ROBO2: variants seen among roughly 807,000 people sequenced by gnomAD.
ROBO2 encodes roundabout homolog 2.
In ROBO2, 53 loss-of-function variants were observed where a neutral mutation model predicts 160.8. The ratio of observed to expected loss-of-function variants is 0.33; its 90% CI spans 0.26 to 0.41. ROBO2 has a LOEUF of 0.41. Among genes scored for constraint, ROBO2 ranks in the 10% least tolerant of loss-of-function variants. ROBO2 has a pLI of 1.00. For missense variants in ROBO2, 1,577 were observed against 1,722.4 expected (o/e 0.92, Z 1.49); for synonymous variants, 664 against 611.7 (o/e 1.09, Z -1.26).
At chr3:76,378,405 A>G (rs1452737923) in intron 2 of ROBO2, among the ~76,000 whole-genome samples, 1 of 152,222 alleles carries the variant, frequency 6.6e-6, no homozygotes, top group African/African-American at 2.4e-5. Flanking sequence ...CACAAAATGT[A>G]TAGTGTCACC....
At chr3:77,258,537 C>T (rs190619397) in intron 2 of ROBO2, among the ~76,000 whole-genome samples, 4 of 151,296 alleles carry the variant, frequency 2.6e-5, no homozygotes, top group East Asian at 2.0e-4. Context: ...GAACAAGAAT[C>T]GTTTGAACCC....
chr3:76,801,169 T>C (rs1054226184), intron 2 of ROBO2, among the ~76,000 whole-genome samples: 10 of 152,328 alleles, frequency 6.6e-5, no homozygotes, highest in African/African-American at 1.9e-4. Context: ...AAACTTTGCA[T>C]GTTCTCACTT....
chr3:76,502,356 G>A (rs965537659), intron 2 of ROBO2, among the ~76,000 whole-genome samples: 4 of 152,126 alleles, frequency 2.6e-5, no homozygotes, highest in African/African-American at 9.7e-5. Flanking sequence ...ACAAATTTGT[G>A]GCAATATGTG....
At chr3:76,455,003 GA>G in intron 2 of ROBO2, among the ~76,000 whole-genome samples, 1 of 151,986 alleles carries the variant, frequency 6.6e-6, no homozygotes, top group East Asian at 1.9e-4. Flanking sequence ...GTATAAAAAG[GA>G]AAAAAATTGT....
chr3:76,931,767 TG>T (rs2077360244), intron 2 of ROBO2, among the ~76,000 whole-genome samples: 2 of 152,258 alleles, frequency 1.3e-5, no homozygotes, highest in East Asian at 3.9e-4. Flanking sequence ...CTGCAGCCTT[TG>T]CTTCCCGGAT....
chr3:76,524,288 G>C (rs986773521), intron 2 of ROBO2, among the ~76,000 whole-genome samples: 1 of 151,912 alleles, frequency 6.6e-6, no homozygotes, highest in Non-Finnish European at 1.5e-5. Context: ...AAAGAGTAGT[G>C]ATATGATTAT....
intron 2 of ROBO2, among the ~76,000 whole-genome samples, chr3:76,560,010 C>A (rs2084060463): frequency 6.6e-6 from 1 of 152,062 alleles, no homozygotes; most frequent in African/African-American, 2.4e-5. Context: ...CAATGCAGTC[C>A]ATAGTTTTGA....
intron 2 of ROBO2, among the ~76,000 whole-genome samples, chr3:77,282,340 GTA>G (rs1276985078): frequency 6.6e-5 from 10 of 151,996 alleles, no homozygotes; most frequent in African/African-American, 2.4e-4. Context: ...TTATAAGGAT[GTA>G]TAGACTGTAA....
intron 2 of ROBO2, among the ~76,000 whole-genome samples, chr3:76,204,372 C>A (rs1177069011): frequency 6.6e-6 from 1 of 152,056 alleles, no homozygotes. Flanking sequence ...GTGATGTGTA[C>A]CTTTCTGTCA....
intron 4 of ROBO2, among the ~76,000 whole-genome samples, chr3:77,485,128 T>G (rs1242257494): frequency 6.6e-6 from 1 of 152,154 alleles, no homozygotes; most frequent in Non-Finnish European, 1.5e-5. Flanking sequence ...ATGCTGGATC[T>G]GCTGTTTTCT....
intron 2 of ROBO2, among the ~76,000 whole-genome samples, chr3:76,926,532 C>T (rs1026726413): frequency 2.6e-5 from 4 of 152,118 alleles, no homozygotes; most frequent in African/African-American, 7.2e-5. Context: ...CCTCGCTGTA[C>T]GTTTTATAAA....
At chr3:77,408,294 C>T (rs551138364) in intron 2 of ROBO2, among the ~76,000 whole-genome samples, 2 of 152,106 alleles carry the variant, frequency 1.3e-5, no homozygotes, top group South Asian at 2.1e-4. Context: ...GTGTATGTGT[C>T]GTTTATATTT....
intron 2 of ROBO2, among the ~76,000 whole-genome samples, chr3:76,092,718 G>GAC: frequency 6.6e-6 from 1 of 152,238 alleles, no homozygotes; most frequent in Non-Finnish European, 1.5e-5. Flanking sequence ...TTATCTTAGT[G>GAC]ACACACCCTT....
At chr3:76,547,659 T>G (rs1028218426) in intron 2 of ROBO2, among the ~76,000 whole-genome samples, 1 of 152,100 alleles carries the variant, frequency 6.6e-6, no homozygotes, top group African/African-American at 2.4e-5. Flanking sequence ...GCTCATTATT[T>G]GTGATACTTC....
intron 2 of ROBO2, among the ~76,000 whole-genome samples, chr3:77,126,213 A>T (rs1231613642): frequency 1.3e-5 from 2 of 152,224 alleles, no homozygotes; most frequent in Non-Finnish European, 2.9e-5. Context: ...GTAGCTGAGG[A>T]GAGGAATAAA....
intron 2 of ROBO2, among the ~76,000 whole-genome samples, chr3:77,248,703 G>A (rs1262215822): frequency 2.0e-5 from 3 of 152,016 alleles, no homozygotes; most frequent in Non-Finnish European, 4.4e-5. Context: ...CAGGGCCTGT[G>A]AGGTCCAGGG....
exon 14 of ROBO2, chr3:77,574,669 A>C (rs1303002702): frequency 6.2e-7 from 1 of 1,613,366 alleles, no homozygotes; most frequent in Admixed American, 1.7e-5. Context: ...AAGTACGGCC[A>C]TATTTTAATG....
chr3:76,121,477 C>G (rs1463230799), intron 2 of ROBO2, among the ~76,000 whole-genome samples: 2 of 152,098 alleles, frequency 1.3e-5, no homozygotes, highest in Non-Finnish European at 2.9e-5. Context: ...AGATGTACAG[C>G]TATTTGTCAC....
intron 2 of ROBO2, among the ~76,000 whole-genome samples, chr3:76,806,969 T>C (rs963583241): frequency 1.3e-5 from 2 of 152,062 alleles, no homozygotes; most frequent in African/African-American, 4.8e-5. Flanking sequence ...TATGATGGAT[T>C]AATGAGAAAT....
Sources: allele counts gnomAD v4.1 joint callset (sites outside exome capture counted in the v4.1 genomes callset), GRCh38; gene constraint gnomAD v4.1.1; transcripts MANE v1.5; gene names NCBI Gene and HGNC (gene_info 2026-07-23, HGNC 2026-07-21).